DPP10: variants seen among roughly 807,000 people sequenced by gnomAD.
DPP10 encodes the protein dipeptidyl peptidase like 10.
A neutral mutation model predicts 120.9 loss-of-function variants in DPP10; 33 were observed. The observed-to-expected ratio is 0.27, with a 90% confidence interval of 0.21 to 0.37. The LOEUF (loss-of-function observed/expected upper bound fraction) is 0.37. DPP10 is among the 10% of genes least tolerant of loss of function. DPP10 has a pLI of 1.00. For missense variants in DPP10, 816 were observed against 942.8 expected (o/e 0.87, Z 1.76); for synonymous variants, 337 against 326.1 (o/e 1.03, Z -0.36).
chr2:115,366,968 G>T (rs954217983), intron 3 of DPP10, among the ~76,000 whole-genome samples: 4 of 151,932 alleles, frequency 2.6e-5, no homozygotes, highest in Non-Finnish European at 5.9e-5. Context: ...CTTATATCCC[G>T]CAATATGTGG....
intron 1 of DPP10, among the ~76,000 whole-genome samples, chr2:114,560,652 C>T (rs1403867288): frequency 6.6e-6 from 1 of 152,142 alleles, no homozygotes; most frequent in African/African-American, 2.4e-5. Context: ...TCACTCTGCT[C>T]CCCTCACCAC....
chr2:115,406,272 T>C (rs1298466058), intron 3 of DPP10, among the ~76,000 whole-genome samples: 1 of 152,232 alleles, frequency 6.6e-6, no homozygotes, highest in Non-Finnish European at 1.5e-5. Context: ...TATTTCCATC[T>C]GAGGTCTCAT....
intron 1 of DPP10, among the ~76,000 whole-genome samples, chr2:115,024,289 T>G (rs1439145416): frequency 3.9e-5 from 6 of 152,108 alleles, no homozygotes; most frequent in Non-Finnish European, 8.8e-5. Flanking sequence ...CAGTTGAAAT[T>G]TTTAGGCCAT....
chr2:115,130,501 TATCCATCCATCCATCCATCC>T (rs56314226), intron 1 of DPP10, among the ~76,000 whole-genome samples: 23 of 144,858 alleles, frequency 1.6e-4, no homozygotes, highest in Non-Finnish European at 2.6e-4. Context: ...TCCATCCATC[TATCCATCCATCCATCCATCC>T]ATCCATCCAT....
chr2:115,804,721 C>T (rs1269474880), intron 19 of DPP10, among the ~76,000 whole-genome samples: 1 of 152,212 alleles, frequency 6.6e-6, no homozygotes, highest in Non-Finnish European at 1.5e-5. Context: ...GCCTGGGTAT[C>T]AGCAGTGGTG....
Position 114,965,984 on chromosome 2 carries a change from A to G in DPP10, c.61-343255A>G, listed in dbSNP as rs865809212. 2.2e-4 allele frequency among the ~76,000 whole-genome samples: 32 copies of G among 144,848 alleles called. No homozygotes were observed. The Middle Eastern group carries it at 0.014, about 64-fold the overall frequency. On this transcript the variant is annotated intron_variant, in intron 1 of 25. Coordinates refer to ENST00000410059, the MANE Select transcript of DPP10 (RefSeq NM_020868.6). Reference sequence around the variant, plus strand: ...CTTCTCAAAAAAAAAAAAAAAAAAAAAAAGAAAAAAAAAGAAAAAGAAAGA... The same window carrying G: ...CTTCTCAAAAAAAAAAAAAAAAAAAGAAAGAAAAAAAAAGAAAAAGAAAGA...
At chr2:115,672,704 TTCTTTC>T (rs1474593119) in intron 5 of DPP10, among the ~76,000 whole-genome samples, 15 of 147,806 alleles carry the variant, frequency 1.0e-4, no homozygotes, top group African/African-American at 3.5e-4. Flanking sequence ...CTTTCTTTCT[TTCTTTC>T]TCTTTCTTTC....
At chr2:115,176,826 G>A (rs894528368) in intron 1 of DPP10, among the ~76,000 whole-genome samples, 2 of 152,188 alleles carry the variant, frequency 1.3e-5, no homozygotes, top group African/African-American at 2.4e-5. Flanking sequence ...TTTGAACCTG[G>A]ATTGTCTGCC....
intron 1 of DPP10, among the ~76,000 whole-genome samples, chr2:114,820,635 G>A (rs1198879154): frequency 2.0e-5 from 3 of 152,296 alleles, no homozygotes; most frequent in Middle Eastern, 3.4e-3. Context: ...AGGGCATCAG[G>A]AGATGGAACG....
intron 1 of DPP10, among the ~76,000 whole-genome samples, chr2:114,913,380 C>T (rs1574474129): frequency 6.6e-6 from 1 of 152,274 alleles, no homozygotes; most frequent in Admixed American, 6.5e-5. Flanking sequence ...CTGGGAACAC[C>T]TTGGGTCCTC....
At chr2:115,142,330 T>C (rs1243229935) in intron 1 of DPP10, among the ~76,000 whole-genome samples, 2 of 152,290 alleles carry the variant, frequency 1.3e-5, no homozygotes, top group East Asian at 1.9e-4. Flanking sequence ...GGCTGGCTTC[T>C]GGAATACAGG....
At chr2:115,088,750 C>CAAAAAAAAAAAAAAAAAAAAAAAACAAA (rs70941027) in intron 1 of DPP10, among the ~76,000 whole-genome samples, 1 of 65,044 alleles carries the variant, frequency 1.5e-5, no homozygotes, top group African/African-American at 5.6e-5. Flanking sequence ...CTGTGCCTGA[C>CAAAAAAAAAAAAAAAAAAAAAAAACAAA]AAAAAAAAAA....
chr2:114,778,084 A>G (rs531153092), intron 1 of DPP10, among the ~76,000 whole-genome samples: 15 of 152,220 alleles, frequency 9.9e-5, no homozygotes, highest in African/African-American at 3.6e-4. Flanking sequence ...AAAGAGTGAG[A>G]CAATTAAATA....
chr2:115,021,479 T>C (rs1703068727), intron 1 of DPP10, among the ~76,000 whole-genome samples: 1 of 151,986 alleles, frequency 6.6e-6, no homozygotes, highest in African/African-American at 2.4e-5. Context: ...AGATATACAA[T>C]CTCTGAATAT....
chr2:115,770,560 C>A (rs1681339526), intron 13 of DPP10, among the ~76,000 whole-genome samples: 1 of 151,744 alleles, frequency 6.6e-6, no homozygotes, highest in Admixed American at 6.6e-5. Flanking sequence ...GTCTACTTTG[C>A]TAATGAGTCA....
intron 1 of DPP10, among the ~76,000 whole-genome samples, chr2:114,478,464 A>G (rs141444123): frequency 6.8e-4 from 104 of 152,246 alleles, no homozygotes; most frequent in Middle Eastern, 3.4e-3. Flanking sequence ...AACATCTTAG[A>G]TGATGAAAGA....
At chr2:114,731,633 A>G (rs1676924237) in intron 1 of DPP10, among the ~76,000 whole-genome samples, 1 of 152,196 alleles carries the variant, frequency 6.6e-6, no homozygotes, top group South Asian at 2.1e-4. Context: ...TCCTACAAAG[A>G]TAGCCATTCT....
chr2:115,017,642 G>C lies in DPP10; in HGVS notation c.61-291597G>C, dbSNP rs1428734349. Reference sequence around the variant, plus strand: ...TGATAGACTAGATTGAGAAAATGTGGCATATATACACCATGGAATACTATG... The same window carrying C: ...TGATAGACTAGATTGAGAAAATGTGCCATATATACACCATGGAATACTATG... On this transcript the variant is annotated intron_variant, in intron 1 of 25. Transcript: ENST00000410059. Among the ~76,000 whole-genome samples the C allele has an allele frequency of 7.4e-5, 11 of 148,778 alleles. No homozygotes were observed. The Admixed American group carries it at 7.5e-4, about 10-fold the overall frequency.
At chr2:115,723,000 G>A (rs1441054076) in intron 7 of DPP10, among the ~76,000 whole-genome samples, 1 of 152,178 alleles carries the variant, frequency 6.6e-6, no homozygotes, top group East Asian at 1.9e-4. Context: ...AGGTCCTATT[G>A]CTGAGGCTGG....
Sources: gnomAD v4.1 joint callset for allele counts (sites outside exome capture counted in the v4.1 genomes callset) on GRCh38, gnomAD v4.1.1 for gene constraint, MANE v1.5 for transcripts, NCBI Gene and HGNC (gene_info 2026-07-23, HGNC 2026-07-21) for gene names.